Variants in ERBB4 observed in about 807,000 individuals in gnomAD.
ERBB4 encodes the protein receptor tyrosine-protein kinase erbB-4.
ERBB4 carries 42 observed loss-of-function variants against 158.0 expected under a neutral mutation model. The observed-to-expected ratio is 0.27, with a 90% CI of 0.21 to 0.34. ERBB4 has a LOEUF of 0.34. Ranked by LOEUF, ERBB4 falls within the 10% of genes least tolerant of loss-of-function variation. The pLI is 1.00. For synonymous variants in ERBB4, 583 were observed against 558.7 expected (o/e 1.04, Z -0.61); for missense variants, 1,333 against 1,624.1 (o/e 0.82, Z 3.08).
At chr2:212,261,681 G>A (rs776831282) in intron 1 of ERBB4, among the ~76,000 whole-genome samples, 1 of 152,100 alleles carries the variant, frequency 6.6e-6, no homozygotes, top group Non-Finnish European at 1.5e-5. Flanking sequence ...ATGCTTTAAT[G>A]ACCTAGAGAA....
chr2:211,429,885 ACAAATCTTATGTCT>A (rs1039786244), intron 21 of ERBB4, among the ~76,000 whole-genome samples: 16 of 152,350 alleles, frequency 1.1e-4, no homozygotes, highest in African/African-American at 3.4e-4. Flanking sequence ...CTTGCTTTAG[ACAAATCTTATGTCT>A]CAAATCTTAT....
intron 3 of ERBB4, among the ~76,000 whole-genome samples, chr2:211,799,697 A>G (rs1416720279): frequency 6.6e-6 from 1 of 152,192 alleles, no homozygotes; most frequent in Non-Finnish European, 1.5e-5. Flanking sequence ...TTCATGAGGC[A>G]ACTGAAAGGA....
intron 2 of ERBB4, among the ~76,000 whole-genome samples, chr2:212,110,681 TC>T (rs1419718086): frequency 6.6e-6 from 1 of 152,216 alleles, no homozygotes; most frequent in East Asian, 1.9e-4. Context: ...TCAAATTAGC[TC>T]CTGCAATAAA....
chr2:212,323,482 A>T (rs1379582430), intron 1 of ERBB4, among the ~76,000 whole-genome samples: 2 of 150,438 alleles, frequency 1.3e-5, no homozygotes, highest in African/African-American at 4.8e-5. Context: ...ACCAAGGCAA[A>T]CAGTAAAGAA....
At chr2:212,223,316 A>C (rs946465520) in intron 1 of ERBB4, among the ~76,000 whole-genome samples, 6 of 130,848 alleles carry the variant, frequency 4.6e-5, no homozygotes, top group Admixed American at 4.3e-4. Flanking sequence ...TTATTTTAGC[A>C]ATATCCTTAT....
rs559755250 is a variant in ERBB4, at chr2:212,522,555, A to G, written c.82+15894T>C. On this transcript the variant is annotated intron_variant, in intron 1 of 27. Coordinates refer to ENST00000342788, the MANE Select transcript of ERBB4 (RefSeq NM_005235.3). ...TGTATAGGGGTAAGAGCTTAGAATAATCTACGCAGAGGTAAGACAGGGGAG... is the reference window on the plus strand; with the variant it reads ...TGTATAGGGGTAAGAGCTTAGAATAGTCTACGCAGAGGTAAGACAGGGGAG... 2.6e-4 allele frequency among the ~76,000 whole-genome samples: 40 copies of G among 152,100 alleles called. 1 individual carries two copies. The South Asian group carries it at 3.1e-3, about 12-fold the overall frequency.
chr2:211,980,885 C>A (rs775791890), intron 2 of ERBB4, among the ~76,000 whole-genome samples: 1 of 151,938 alleles, frequency 6.6e-6, no homozygotes, highest in Non-Finnish European at 1.5e-5. Flanking sequence ...TTTGAATTTT[C>A]GCCCCTTTCT....
At chr2:212,389,241 G>T (rs1196372862) in intron 1 of ERBB4, among the ~76,000 whole-genome samples, 1 of 151,942 alleles carries the variant, frequency 6.6e-6, no homozygotes, top group African/African-American at 2.4e-5. Context: ...CAAAAAGTAT[G>T]ATTTAAAAAT....
At chr2:211,771,724 G>T (rs976930661) in intron 4 of ERBB4, among the ~76,000 whole-genome samples, 2 of 152,178 alleles carry the variant, frequency 1.3e-5, no homozygotes, top group Non-Finnish European at 2.9e-5. Context: ...GTGTGTATGT[G>T]TGTGTGTGTT....
chr2:211,945,346 T>C (rs2080656490), intron 3 of ERBB4, among the ~76,000 whole-genome samples: 1 of 152,054 alleles, frequency 6.6e-6, no homozygotes, highest in Non-Finnish European at 1.5e-5. Flanking sequence ...CTAGACTGTT[T>C]CCCTTACAGA....
intron 2 of ERBB4, among the ~76,000 whole-genome samples, chr2:211,974,135 G>T (rs761595724): frequency 3.9e-5 from 6 of 152,204 alleles, no homozygotes; most frequent in Non-Finnish European, 8.8e-5. Flanking sequence ...GTGAGTACTA[G>T]GATTAATACC....
At chr2:212,080,409 T>C (rs539001519) in intron 2 of ERBB4, among the ~76,000 whole-genome samples, 9 of 151,540 alleles carry the variant, frequency 5.9e-5, no homozygotes, top group African/African-American at 2.2e-4. Flanking sequence ...AATGATACAG[T>C]TGAGGGGGAG....
chr2:212,359,051 GA>G, intron 1 of ERBB4, among the ~76,000 whole-genome samples: 1 of 151,776 alleles, frequency 6.6e-6, no homozygotes, highest in East Asian at 1.9e-4. Context: ...TGCAGAGGAT[GA>G]GGGAAAATAA....
chr2:211,838,699 C>G, intron 3 of ERBB4, among the ~76,000 whole-genome samples: 1 of 152,070 alleles, frequency 6.6e-6, no homozygotes, highest in East Asian at 1.9e-4. Flanking sequence ...TTAAACCCTT[C>G]TTAATGATAA....
At chr2:211,778,147 T>G (rs778175778) in intron 4 of ERBB4, 3 of 152,144 alleles carry the variant, frequency 2.0e-5, no homozygotes, top group Admixed American at 1.3e-4. Context: ...TCCTTTGAAT[T>G]TGCAATTCAA....
At chr2:211,772,810 TATATATATATATATATATATATATACAC>T (rs1313148318) in intron 4 of ERBB4, among the ~76,000 whole-genome samples, 1,277 of 9,172 alleles carry the variant, frequency 0.14, 98 homozygotes, top group African/African-American at 0.35. Flanking sequence ...CATACTGGGA[TATATATATATATATATATATATATACAC>T]ATATATATAT....
intron 1 of ERBB4, among the ~76,000 whole-genome samples, chr2:212,496,505 T>A (rs1366656508): frequency 6.6e-6 from 1 of 152,194 alleles, no homozygotes; most frequent in African/African-American, 2.4e-5. Context: ...AACAGAGACA[T>A]CTGGCAACCC....
intron 1 of ERBB4, among the ~76,000 whole-genome samples, chr2:212,335,285 G>A (rs2088376562): frequency 1.3e-5 from 2 of 151,754 alleles, no homozygotes; most frequent in Non-Finnish European, 2.9e-5. Flanking sequence ...TAATACATAA[G>A]ATTCATCTTA....
intron 20 of ERBB4, among the ~76,000 whole-genome samples, chr2:211,468,062 A>G (rs2064739829): frequency 6.6e-6 from 1 of 152,202 alleles, no homozygotes; most frequent in Admixed American, 6.5e-5. Context: ...TTATATAAAA[A>G]GAAAAAGACA....
Sources: gnomAD v4.1 joint callset for allele counts (sites outside exome capture counted in the v4.1 genomes callset) on GRCh38, gnomAD v4.1.1 for gene constraint, MANE v1.5 for transcripts, NCBI Gene and HGNC (gene_info 2026-07-23, HGNC 2026-07-21) for gene names.